Variants in BRCA1 observed in about 807,000 individuals in gnomAD.
The protein encoded by BRCA1 is BRCA1 DNA repair associated.
Under a neutral mutation model 173.7 loss-of-function variants are expected in BRCA1, and 140 were observed. That is an observed-to-expected ratio of 0.81 (90% CI 0.70 to 0.93). BRCA1 has a LOEUF of 0.93. BRCA1 is among the 40% of genes least tolerant of loss of function. The pLI, the probability that BRCA1 is intolerant of heterozygous loss-of-function variation, is 0.00. For missense variants in BRCA1, 1,983 were observed against 2,172.5 expected, an observed-to-expected ratio of 0.91 and a Z score of 1.73; for synonymous variants, 662 against 756.0, an observed-to-expected ratio of 0.88 and a Z score of 2.04.
chr17:43,100,647 A>G lies in BRCA1; in HGVS notation c.442-767T>C, dbSNP rs2054389450. Among the ~76,000 whole-genome samples, 2 of 9,148 alleles carry G rather than the reference A, an allele frequency of 2.2e-4. 1 individual carries two copies. The highest frequency in any genetic ancestry group is 4.4e-3 in the Admixed American group (2 of 456). 6.0% of individuals were successfully genotyped at this position (9,148 alleles called of 152,430 possible). The stretch of plus-strand genomic sequence containing the variant: ...TATATATATGTTATATATATATAAC[A>G]TATATATAACATATATATATATATA... On this transcript the variant is annotated intron_variant, in intron 6 of 22. Transcript: ENST00000357654.
intron 1 of BRCA1, among the ~76,000 whole-genome samples, chr17:43,157,708 T>C (rs2056206271): frequency 7.9e-6 from 1 of 126,450 alleles, no homozygotes; most frequent in East Asian, 2.4e-4. Context: ...AAATAAAAAT[T>C]AAAAAAATCT....
chr17:43,063,842 A>T (rs2051902293), intron 17 of BRCA1, 32 bp downstream of exon 17: 1 of 1,572,820 alleles, frequency 6.4e-7, no homozygotes, highest in Non-Finnish European at 8.8e-7. Context: ...GAGGTGTTAA[A>T]GGGAGGAGGG....
At chr17:43,074,282 T>C (rs1236443418) in intron 14 of BRCA1, 49 bp downstream of exon 14, 23 of 1,600,478 alleles carry the variant, frequency 1.4e-5, no homozygotes, top group Non-Finnish European at 1.9e-5. Context: ...TATGTAGGAT[T>C]CAGAGTAAAA....
chr17:43,136,031 G>A (rs950781190), intron 1 of BRCA1, among the ~76,000 whole-genome samples: 17 of 152,196 alleles, frequency 1.1e-4, no homozygotes, highest in Admixed American at 9.2e-4. Context: ...CAGGGCTCCC[G>A]CCTGTAATTC....
At chr17:43,160,895 G>A (rs1234704423) in intron 1 of BRCA1, 2 of 152,188 alleles carry the variant, frequency 1.3e-5, no homozygotes, top group Admixed American at 1.3e-4. Flanking sequence ...GGTAGCAAAC[G>A]AGGGAGCAGT....
At chr17:43,100,688 T>C (rs1237904268) in intron 6 of BRCA1, among the ~76,000 whole-genome samples, 3 of 98,806 alleles carry the variant, frequency 3.0e-5, no homozygotes, top group African/African-American at 4.5e-5. Context: ...AATATATATA[T>C]ATATATATAT....
chr17:43,108,215 G>A (rs925769279), intron 3 of BRCA1, among the ~76,000 whole-genome samples: 4 of 151,424 alleles, frequency 2.6e-5, no homozygotes, highest in Non-Finnish European at 4.4e-5. Flanking sequence ...GTGGTGCACT[G>A]TAGTCCCAGT....
chr17:43,075,045 G>GAGGGA (rs1247915910), intron 13 of BRCA1, among the ~76,000 whole-genome samples: 4 of 147,700 alleles, frequency 2.7e-5, no homozygotes, highest in African/African-American at 9.9e-5. Flanking sequence ...GGAAGGAAGG[G>GAGGGA]AGGGAAAGGA....
chr17:43,134,205 G>A (rs2055996585), intron 1 of BRCA1, among the ~76,000 whole-genome samples: 1 of 152,270 alleles, frequency 6.6e-6, no homozygotes, highest in African/African-American at 2.4e-5. Context: ...CCTGCCTGGT[G>A]GGCTCATGGT....
intron 1 of BRCA1, chr17:43,138,512 C>G: frequency 1.6e-6 from 1 of 642,574 alleles, no homozygotes; most frequent in Non-Finnish European, 2.8e-6. Context: ...TTTGCAAAGC[C>G]TCGGACACCC....
intron 2 of BRCA1, among the ~76,000 whole-genome samples, chr17:43,116,701 G>T (rs1027900517): frequency 2.6e-5 from 4 of 152,132 alleles, no homozygotes; most frequent in African/African-American, 9.7e-5. Flanking sequence ...CGTATTTTTA[G>T]TAGAGTTGGG....
At chr17:43,072,816 G>T (rs111499627) in intron 14 of BRCA1, among the ~76,000 whole-genome samples, 1 of 151,390 alleles carries the variant, frequency 6.6e-6, no homozygotes, top group African/African-American at 2.4e-5. Flanking sequence ...TGCCCGCCTC[G>T]GCCTCCCAAA....
chr17:43,055,925 G>C (rs979765294), intron 19 of BRCA1, among the ~76,000 whole-genome samples: 8 of 152,164 alleles, frequency 5.3e-5, no homozygotes, highest in African/African-American at 1.2e-4. Flanking sequence ...GGGTGACAGA[G>C]TAAGACTCTG....
At chr17:43,162,950 G>A (rs1270362590) in intron 1 of BRCA1, 1 of 152,204 alleles carries the variant, frequency 6.6e-6, no homozygotes, top group African/African-American at 2.4e-5. Flanking sequence ...GTTCAACTAG[G>A]CTCTCTGATA....
intron 1 of BRCA1, among the ~76,000 whole-genome samples, chr17:43,142,940 G>GTA (rs1257944802): frequency 0.024 from 3,518 of 144,946 alleles, 175 homozygotes; most frequent in African/African-American, 0.086. Context: ...GTGTGTGTGT[G>GTA]TATATATATA....
At chr17:43,110,661 A>G in intron 3 of BRCA1, 1 of 334,628 alleles carries the variant, frequency 3.0e-6, no homozygotes, top group South Asian at 2.3e-5. Flanking sequence ...TCTTTGAACA[A>G]TGTGGTTCTA....
At position 43,154,472 on chromosome 17, in the gene BRCA1, A is replaced by G. The variant is rs542238715; in HGVS notation, c.-20+15654T>C. 7.9e-5 allele frequency among the ~76,000 whole-genome samples: 12 copies of G among 152,146 alleles called. No homozygotes were observed. In the East Asian group the frequency reaches 2.3e-3, roughly 29 times the overall value. ...GCACTCCAGCTTGGGTGACAGAGCT[A>G]GACTCCATCTCAAAATAATAATAAT... is the stretch of plus-strand genomic sequence containing the variant. On this transcript the variant is annotated intron_variant, in intron 1 of 7. Transcript: ENST00000634433.
At chr17:43,126,774 T>TG (rs1233298833), upstream of BRCA1, among the ~76,000 whole-genome samples, 1 of 152,124 alleles carries the variant, frequency 6.6e-6, no homozygotes, top group East Asian at 1.9e-4. Context: ...CACTGCGCTG[T>TG]GGGGGCCCCT....
intron 1 of BRCA1, among the ~76,000 whole-genome samples, chr17:43,134,175 GT>G (rs927953991): frequency 1.3e-5 from 2 of 152,086 alleles, no homozygotes; most frequent in Admixed American, 6.6e-5. Flanking sequence ...AATGTAAGGG[GT>G]TTTTTTCCCC....
Sources: allele counts gnomAD v4.1 joint callset (sites outside exome capture counted in the v4.1 genomes callset), GRCh38; gene constraint gnomAD v4.1.1; transcripts MANE v1.5; gene names NCBI Gene and HGNC (gene_info 2026-07-23, HGNC 2026-07-21).